Variants in CNTN1 observed in about 807,000 individuals in gnomAD.
CNTN1 encodes the protein contactin 1.
A neutral mutation model predicts 126.4 loss-of-function variants in CNTN1; 38 were observed. That is an observed-to-expected ratio of 0.30 (90% confidence interval 0.23 to 0.39). The LOEUF (loss-of-function observed/expected upper bound fraction) is 0.39. Ranked by LOEUF, CNTN1 falls within the 10% of genes least tolerant of loss-of-function variation. The pLI, the probability that CNTN1 is intolerant of heterozygous loss-of-function variation, is 1.00. For missense variants in CNTN1, 1,009 were observed against 1,248.4 expected (o/e 0.81, Z 2.89); for synonymous variants, 413 against 422.6 (o/e 0.98, Z 0.28).
At chr12:40,775,822 T>C (rs1939555233) in intron 1 of CNTN1, among the ~76,000 whole-genome samples, 1 of 151,550 alleles carries the variant, frequency 6.6e-6, no homozygotes, top group Non-Finnish European at 1.5e-5. Context: ...GCTAGAAACA[T>C]TGCGGGGTAA....
chr12:40,875,052 G>A (rs921321151), intron 1 of CNTN1, among the ~76,000 whole-genome samples: 50 of 152,206 alleles, frequency 3.3e-4, no homozygotes, highest in Admixed American at 3.2e-3. Context: ...AGTGCTCTAG[G>A]ACTAGTTCTC....
intron 23 of CNTN1, among the ~76,000 whole-genome samples, chr12:41,044,076 A>C (rs11613102): frequency 0.23 from 34,409 of 148,176 alleles, 4,092 homozygotes; most frequent in Middle Eastern, 0.28. Flanking sequence ...GTGCAGCACA[A>C]CAGCATGGCA....
At position 40,832,133 on chromosome 12, in the gene CNTN1, T is replaced by A. The variant is rs559869159; in HGVS notation, c.-76-76224T>A. On this transcript the variant is annotated intron_variant, in intron 1 of 23. Coordinates refer to ENST00000551295, the MANE Select transcript of CNTN1 (RefSeq NM_001843.4). ...TGTTTAGACTTGACTTAATAGGCAG[T>A]GAACACCCACAGACATTGTTTAATC... Among the ~76,000 whole-genome samples, 131 of 152,310 alleles carry A rather than the reference T, an allele frequency of 8.6e-4. 1 individual carries two copies. The highest frequency in any genetic ancestry group is 1.5e-3 in the East Asian group (8 of 5,190).
At chr12:40,878,040 C>T (rs1242101359) in intron 1 of CNTN1, among the ~76,000 whole-genome samples, 1 of 132,580 alleles carries the variant, frequency 7.5e-6, no homozygotes, top group African/African-American at 3.0e-5. Context: ...TCTTGTTGCC[C>T]AGGCTGGAGT....
At chr12:40,820,845 T>G (rs144704278) in intron 1 of CNTN1, among the ~76,000 whole-genome samples, 1 of 152,342 alleles carries the variant, frequency 6.6e-6, no homozygotes, top group East Asian at 1.9e-4. Flanking sequence ...TGATTTATTG[T>G]GTGATTATTC....
chr12:40,802,516 T>A (rs917146442), intron 1 of CNTN1, among the ~76,000 whole-genome samples: 2 of 152,028 alleles, frequency 1.3e-5, no homozygotes, highest in Admixed American at 6.6e-5. Context: ...GGGAATTTAA[T>A]CGTGCCAGTG....
At chr12:40,737,884 AAATAAAGAGT>A (rs1937765902) in intron 1 of CNTN1, among the ~76,000 whole-genome samples, 1 of 152,108 alleles carries the variant, frequency 6.6e-6, no homozygotes, top group Non-Finnish European at 1.5e-5. Context: ...GAAACATCAC[AAATAAAGAGT>A]AATATACCAC....
At chr12:40,978,566 A>C (rs1299670651) in intron 15 of CNTN1, among the ~76,000 whole-genome samples, 1 of 152,182 alleles carries the variant, frequency 6.6e-6, no homozygotes, top group Admixed American at 6.6e-5. Flanking sequence ...TTTATGAAGA[A>C]CCTACCATAA....
chr12:40,783,899 T>G (rs1479521465), intron 1 of CNTN1, among the ~76,000 whole-genome samples: 1 of 152,168 alleles, frequency 6.6e-6, no homozygotes, highest in African/African-American at 2.4e-5. Flanking sequence ...GTTACAAATT[T>G]CTTACCAATT....
chr12:40,838,752 G>C (rs997550974), intron 1 of CNTN1, among the ~76,000 whole-genome samples: 33 of 152,106 alleles, frequency 2.2e-4, no homozygotes, highest in African/African-American at 7.7e-4. Context: ...CAACTCCATA[G>C]AAATATCCTT....
chr12:40,907,019 A>G (rs1188770788), intron 1 of CNTN1, among the ~76,000 whole-genome samples: 1 of 152,056 alleles, frequency 6.6e-6, no homozygotes, highest in Non-Finnish European at 1.5e-5. Context: ...ATTCTATGTC[A>G]TGAGATTTCA....
chr12:40,856,337 A>C (rs1942906666), intron 1 of CNTN1, among the ~76,000 whole-genome samples: 3 of 152,138 alleles, frequency 2.0e-5, no homozygotes, highest in Admixed American at 2.0e-4. Context: ...AAACTCAATA[A>C]ATTTCTGTAT....
At chr12:40,868,778 T>A (rs909145323) in intron 1 of CNTN1, among the ~76,000 whole-genome samples, 2 of 152,082 alleles carry the variant, frequency 1.3e-5, no homozygotes, top group African/African-American at 4.8e-5. Context: ...AATTATAAAT[T>A]CTGTGTGGAT....
intron 1 of CNTN1, among the ~76,000 whole-genome samples, chr12:40,760,216 T>C (rs1401451366): frequency 2.6e-5 from 4 of 152,184 alleles, no homozygotes; most frequent in Non-Finnish European, 4.4e-5. Flanking sequence ...ATAAAATATA[T>C]TTTCAGTTCA....
At chr12:40,719,129 G>A (rs1050410889) in intron 1 of CNTN1, among the ~76,000 whole-genome samples, 2 of 152,164 alleles carry the variant, frequency 1.3e-5, no homozygotes, top group Non-Finnish European at 2.9e-5. Context: ...CCTTGAACAA[G>A]TGTTGCCCAT....
At chr12:40,870,409 G>A (rs1943445473) in intron 1 of CNTN1, among the ~76,000 whole-genome samples, 1 of 152,062 alleles carries the variant, frequency 6.6e-6, no homozygotes, top group African/African-American at 2.4e-5. Context: ...GCAAAAATAA[G>A]ATAATTTATA....
At chr12:41,018,103 T>A (rs2006861) in intron 19 of CNTN1, among the ~76,000 whole-genome samples, 49,455 of 147,730 alleles carry the variant, frequency 0.33, 8,474 homozygotes, top group East Asian at 0.52. Context: ...AAAAAAAAAA[T>A]AATAATAATA....
At chr12:40,948,175 TG>T (rs1946505323) in intron 14 of CNTN1, among the ~76,000 whole-genome samples, 2 of 151,592 alleles carry the variant, frequency 1.3e-5, no homozygotes, top group Non-Finnish European at 2.9e-5. Context: ...AGTATATAAG[TG>T]GTTATTAATA....
chr12:40,788,850 T>C (rs184362860), intron 1 of CNTN1, among the ~76,000 whole-genome samples: 3 of 152,246 alleles, frequency 2.0e-5, no homozygotes, highest in East Asian at 3.9e-4. Flanking sequence ...CATCGTGCTA[T>C]TGTTAGGATT....
Sources: allele counts gnomAD v4.1 joint callset (sites outside exome capture counted in the v4.1 genomes callset), GRCh38; gene constraint gnomAD v4.1.1; transcripts MANE v1.5; gene names NCBI Gene and HGNC (gene_info 2026-07-23, HGNC 2026-07-21).